The following DLGAP2 variants were observed in gnomAD, a reference collection of about 807,000 sequenced individuals.
DLGAP2 encodes disks large-associated protein 2.
Under a neutral mutation model 100.3 loss-of-function variants are expected in DLGAP2, and 26 were observed. The observed-to-expected ratio is 0.26, with a 90% CI of 0.19 to 0.36. The LOEUF is 0.36. Among genes scored for constraint, DLGAP2 ranks in the 10% least tolerant of loss-of-function variants. DLGAP2 has a pLI of 1.00. For synonymous variants in DLGAP2, 886 were observed against 630.1 expected, an observed-to-expected ratio of 1.41 and a Z score of -6.08; for missense variants, 1,858 against 1,453.2, an observed-to-expected ratio of 1.28 and a Z score of -4.53.
chr8:1,594,323 G>C (rs1796382531), intron 6 of DLGAP2, among the ~76,000 whole-genome samples: 1 of 152,148 alleles, frequency 6.6e-6, no homozygotes, highest in Non-Finnish European at 1.5e-5. Flanking sequence ...CAAGGGATAT[G>C]AAGATGCCCC....
intron 3 of DLGAP2, among the ~76,000 whole-genome samples, chr8:1,470,040 C>T (rs11136398): frequency 0.34 from 51,743 of 151,264 alleles, 9,311 homozygotes; most frequent in East Asian, 0.68. Flanking sequence ...TGTGTGCCTG[C>T]GATCCCAGCT....
At chr8:1,696,454 C>T (rs147698622) in intron 13 of DLGAP2, among the ~76,000 whole-genome samples, 1 of 152,162 alleles carries the variant, frequency 6.6e-6, no homozygotes, top group African/African-American at 2.4e-5. Flanking sequence ...GAGCCATGAT[C>T]ACACCTGTGC....
chr8:1,174,391 C>T (rs932075204), intron 2 of DLGAP2, among the ~76,000 whole-genome samples: 1 of 151,868 alleles, frequency 6.6e-6, no homozygotes, highest in Non-Finnish European at 1.5e-5. Flanking sequence ...TTACCACCAT[C>T]ATCATTACCA....
At chr8:1,190,078 C>T (rs542635146) in intron 2 of DLGAP2, among the ~76,000 whole-genome samples, 2 of 152,192 alleles carry the variant, frequency 1.3e-5, no homozygotes, top group African/African-American at 2.4e-5. Flanking sequence ...TTTTCTGCTC[C>T]TTGAGGGAAG....
intron 1 of DLGAP2, among the ~76,000 whole-genome samples, chr8:880,129 C>T (rs888425334): frequency 9.2e-5 from 14 of 152,130 alleles, no homozygotes; most frequent in African/African-American, 2.9e-4. Flanking sequence ...GTTTTCTTTG[C>T]ATCCGTGGTG....
chr8:1,032,920 T>C (rs1802015258), intron 2 of DLGAP2: 1 of 152,286 alleles, frequency 6.6e-6, no homozygotes, highest in Admixed American at 6.5e-5. Flanking sequence ...TAAACTATTG[T>C]GTCTTCGTTT....
intron 2 of DLGAP2, among the ~76,000 whole-genome samples, chr8:1,004,792 A>ACC (rs906394832): frequency 2.0e-5 from 3 of 152,016 alleles, no homozygotes; most frequent in African/African-American, 7.2e-5. Context: ...TGGTGGAGAG[A>ACC]CCCCCGTGGC....
At chr8:1,039,539 G>T (rs1322260328) in intron 2 of DLGAP2, among the ~76,000 whole-genome samples, 1 of 118,960 alleles carries the variant, frequency 8.4e-6, no homozygotes, top group Admixed American at 8.5e-5. Flanking sequence ...GGTGTGCGTG[G>T]TCAGCTTGGT....
intron 8 of DLGAP2, among the ~76,000 whole-genome samples, chr8:1,635,013 G>A (rs1797734915): frequency 6.6e-6 from 1 of 152,176 alleles, no homozygotes; most frequent in African/African-American, 2.4e-5. Context: ...TCCAAGTTAT[G>A]TGACATCTGA....
chr8:1,315,654 G>A (rs1378542819), intron 3 of DLGAP2, among the ~76,000 whole-genome samples: 2 of 119,490 alleles, frequency 1.7e-5, no homozygotes, highest in Non-Finnish European at 3.5e-5. Flanking sequence ...CAAGTACAGC[G>A]TCTCTCCAAC....
chr8:1,168,959 G>A (rs1797072375), intron 2 of DLGAP2, among the ~76,000 whole-genome samples: 1 of 143,836 alleles, frequency 7.0e-6, no homozygotes, highest in Non-Finnish European at 1.5e-5. Flanking sequence ...CCTTGCCCAT[G>A]CCTATGTCCT....
At chr8:1,484,225 C>T (rs1331417327) in intron 3 of DLGAP2, among the ~76,000 whole-genome samples, 2 of 152,262 alleles carry the variant, frequency 1.3e-5, no homozygotes, top group African/African-American at 2.4e-5. Flanking sequence ...TGAGCTGGCT[C>T]AGCCACAGCT....
intron 2 of DLGAP2, among the ~76,000 whole-genome samples, chr8:927,379 C>A (rs951779283): frequency 2.0e-5 from 3 of 152,098 alleles, no homozygotes; most frequent in African/African-American, 7.2e-5. Context: ...GTGTTTAAAA[C>A]GTTCTGGTCC....
At chr8:1,472,944 T>G (rs1276787710) in intron 3 of DLGAP2, among the ~76,000 whole-genome samples, 1 of 152,194 alleles carries the variant, frequency 6.6e-6, no homozygotes, top group East Asian at 1.9e-4. Flanking sequence ...TCACACAATT[T>G]TTTTTTTGAC....
intron 1 of DLGAP2, among the ~76,000 whole-genome samples, chr8:887,713 T>C (rs575858374): frequency 6.6e-6 from 1 of 152,362 alleles, no homozygotes; most frequent in East Asian, 1.9e-4. Context: ...CAGTCTCTTC[T>C]GGCGTGTAGG....
intron 2 of DLGAP2, among the ~76,000 whole-genome samples, chr8:921,425 G>C (rs1362476460): frequency 4.6e-5 from 7 of 152,066 alleles, no homozygotes; most frequent in Non-Finnish European, 7.3e-5. Flanking sequence ...CTGTGTCCAC[G>C]TGTCCACAGA....
chr8:743,709 G>A lies in DLGAP2; in HGVS notation c.18+5884G>A, dbSNP rs182647537. Among the ~76,000 whole-genome samples the A allele has an allele frequency of 6.6e-5, 10 of 152,196 alleles. No individual in the cohort carries two copies. The South Asian group carries it at 1.0e-3, about 16-fold the overall frequency. ...CTCCCGAGTAGCTGGGACTACAGGC[G>A]TGCACCACCACACCCAGCTAATTTT... On this transcript the variant is annotated intron_variant, in intron 1 of 14. Coordinates refer to ENST00000637795, the MANE Select transcript of DLGAP2 (RefSeq NM_001346810.2).
chr8:790,294 G>C (rs972342444), intron 1 of DLGAP2, among the ~76,000 whole-genome samples: 2 of 152,180 alleles, frequency 1.3e-5, no homozygotes, highest in African/African-American at 4.8e-5. Flanking sequence ...GGTTTGCCTG[G>C]GCTGTGCAGG....
chr8:967,120 C>G (rs1315358496), intron 2 of DLGAP2, among the ~76,000 whole-genome samples: 1 of 152,250 alleles, frequency 6.6e-6, no homozygotes, highest in Non-Finnish European at 1.5e-5. Context: ...CTTTCCAGCA[C>G]AGGCTCCTTG....
Sources: gnomAD v4.1 joint callset for allele counts (sites outside exome capture counted in the v4.1 genomes callset) on GRCh38, gnomAD v4.1.1 for gene constraint, MANE v1.5 for transcripts, NCBI Gene and HGNC (gene_info 2026-07-23, HGNC 2026-07-21) for gene names.